Variants in PCDHGB5 observed in about 807,000 individuals in gnomAD.
PCDHGB5 encodes protocadherin gamma subfamily B, 5.
A neutral mutation model predicts 62.9 loss-of-function variants in PCDHGB5; 48 were observed. The observed-to-expected ratio is 0.76, with a 90% confidence interval of 0.61 to 0.97. PCDHGB5 has a LOEUF of 0.97. Ranked by LOEUF, PCDHGB5 falls within the 50% of genes least tolerant of loss-of-function variation. PCDHGB5 has a pLI of 0.00. For synonymous variants in PCDHGB5, 474 were observed against 511.2 expected, an observed-to-expected ratio of 0.93 and a Z score of 0.98; for missense variants, 1,118 against 1,198.6, an observed-to-expected ratio of 0.93 and a Z score of 0.99.
intron 3 of PCDHGB5, chr5:141,507,291 T>A (rs956764262): frequency 3.4e-5 from 5 of 147,704 alleles, no homozygotes; most frequent in African/African-American, 5.1e-5. Flanking sequence ...CAGTCTCAAA[T>A]GTTGCATGAG....
At position 141,399,730 on chromosome 5, in the gene PCDHGB5, T is replaced by G; in HGVS notation, c.1603T>G (p.Ser535Ala). ...ELTLQARDQGSPALSANVSLR... is the reference protein window; with the variant it reads ...ELTLQARDQGAPALSANVSLR... ...CACACTACAGGCCCGCGACCAGGGC[T>G]CGCCTGCGCTCAGCGCAAACGTGAG... Residue 535 changes from serine to alanine, a missense_variant, in exon 1 of 4, where the codon TCG becomes GCG. Transcript: ENST00000617380. The G allele has an allele frequency of 2.5e-6, 4 of 1,613,266 alleles. No homozygotes were observed. Among genetic ancestry groups the G allele is most frequent in the Non-Finnish European group, 8.5e-7 (1 of 1,179,866 alleles).
At chr5:141,444,599 A>G (rs373366708) in intron 1 of PCDHGB5, among the ~76,000 whole-genome samples, 2 of 152,108 alleles carry the variant, frequency 1.3e-5, no homozygotes, top group African/African-American at 2.4e-5. Flanking sequence ...CCTTATTTAA[A>G]ATTGATTTTT....
intron 1 of PCDHGB5, chr5:141,419,312 G>A (rs35892780): frequency 1.2e-6 from 2 of 1,613,962 alleles, no homozygotes; most frequent in South Asian, 2.2e-5. Context: ...CGGGCTCAAC[G>A]GCCGTGTCTC....
intron 1 of PCDHGB5, chr5:141,417,591 C>T (rs1287721863): frequency 2.1e-6 from 1 of 484,478 alleles, no homozygotes; most frequent in East Asian, 3.4e-5. Context: ...CACAGAGCCT[C>T]TGGGCGCCGC....
Position 141,485,274 on chromosome 5 carries a change from C to G in PCDHGB5, c.2398-9533C>G. 2 of 1,614,106 alleles carry G rather than the reference C, an allele frequency of 1.2e-6. No homozygotes were observed. Among genetic ancestry groups the G allele is most frequent in the Non-Finnish European group, 1.7e-6 (2 of 1,179,964 alleles). On this transcript the variant is annotated intron_variant, in intron 1 of 3. Transcript: ENST00000617380. The surrounding 1 kb of genome is among the most constrained non-coding windows in gnomAD (Gnocchi z 5.7). ...TACGTTTGTGGGCAGATCCGCTACC[C>G]GGTCCCAGAGGAGTCACAGGAAGGG...
At chr5:141,405,140 G>A in intron 1 of PCDHGB5, 1 of 1,614,072 alleles carries the variant, frequency 6.2e-7, no homozygotes, top group Non-Finnish European at 8.5e-7. Flanking sequence ...GGCTACCAGT[G>A]ATGGGTTGGC....
At chr5:141,402,087 A>G (rs1388054772) in intron 1 of PCDHGB5, among the ~76,000 whole-genome samples, 1 of 152,224 alleles carries the variant, frequency 6.6e-6, no homozygotes, top group Non-Finnish European at 1.5e-5. Context: ...GAAATAGCAG[A>G]AAAGTTTAAG....
chr5:141,478,109 T>C, intron 1 of PCDHGB5: 1 of 1,614,086 alleles, frequency 6.2e-7, no homozygotes, highest in Non-Finnish European at 8.5e-7. Context: ...CCTCACTGTG[T>C]CAGTAACCGA....
In PCDHGB5 at chr5:141,400,129, C is replaced by T. The variant is rs530393607; in HGVS notation, c.2002C>T (p.Leu668=). 1 of 1,614,104 alleles carries T rather than the reference C, an allele frequency of 6.2e-7. No individual in the cohort carries two copies. Among genetic ancestry groups the T allele is most frequent in the Admixed American group, 1.7e-5 (1 of 60,038 alleles). ...CTTTGCTGACAGCTTGCAGGAGGTGCTGCCGGATATCACTGACCGCCCTGT... is the reference window on the plus strand; with the variant it reads ...CTTTGCTGACAGCTTGCAGGAGGTGTTGCCGGATATCACTGACCGCCCTGT... ...LVFADSLQEV[L]PDITDRPVPS... is the part of the protein sequence containing the mutation. Residue 668 remains leucine, a synonymous_variant, in exon 1 of 4, where the codon CTG becomes TTG. Coordinates refer to ENST00000617380, the MANE Select transcript of PCDHGB5 (RefSeq NM_018925.3).
At chr5:141,505,123 C>T (rs1320836386) in intron 2 of PCDHGB5, among the ~76,000 whole-genome samples, 1 of 152,192 alleles carries the variant, frequency 6.6e-6, no homozygotes, top group African/African-American at 2.4e-5. Flanking sequence ...GATCGCGCCA[C>T]TGCACTCCAG....
intron 1 of PCDHGB5, chr5:141,407,995 C>A: frequency 1.2e-6 from 1 of 869,524 alleles, no homozygotes. Flanking sequence ...AGCCTCTGGC[C>A]TGGGATTCCC....
intron 2 of PCDHGB5, among the ~76,000 whole-genome samples, chr5:141,501,290 T>TAC (rs55762287): frequency 0.12 from 16,682 of 135,960 alleles, 995 homozygotes; most frequent in African/African-American, 0.18. Flanking sequence ...TATTCCCTTA[T>TAC]ACACACACAC....
In PCDHGB5 at chr5:141,448,944, C is replaced by CAAAA. The variant is rs560691811; in HGVS notation, c.2398-45859_2398-45856dup. Among the ~76,000 whole-genome samples, 218 of 152,004 alleles carry CAAAA rather than the reference C, an allele frequency of 1.4e-3. 1 individual carries two copies. The highest frequency in any genetic ancestry group is 5.1e-3 in the African/African-American group (213 of 41,464). On this transcript the variant is annotated intron_variant, in intron 1 of 3. Coordinates refer to ENST00000617380, the MANE Select transcript of PCDHGB5 (RefSeq NM_018925.3). ...TGGGCGACAGAGCAAGACTGCAACTCAAAAAAACAAACAAACAAACAAAAA... is the reference window on the plus strand; with the variant it reads ...TGGGCGACAGAGCAAGACTGCAACTCAAAAAAAAAAACAAACAAACAAACAAAAA...
At chr5:141,422,281 T>C in intron 1 of PCDHGB5, 1 of 1,557,044 alleles carries the variant, frequency 6.4e-7, no homozygotes, top group Middle Eastern at 1.7e-4. Context: ...AACTATCACC[T>C]CTTCTATTAA....
chr5:141,415,409 TG>T (rs763291157), intron 1 of PCDHGB5: 1 of 1,614,208 alleles, frequency 6.2e-7, no homozygotes, highest in Non-Finnish European at 8.5e-7. Context: ...TCGCACTTTG[TG>T]GGCGTGGACG....
Position 141,399,546 on chromosome 5 carries a change from G to T in PCDHGB5, c.1419G>T (p.Ser473=). Residue 473 remains serine, a synonymous_variant, in exon 1 of 4, where the codon TCG becomes TCT. Transcript: ENST00000617380. ...CCTCCATCGCGCAAGTCTGCGCCTC[G>T]GACCTGGACTTGGGGTTGAACGGCC... ...PGASIAQVCA[S]DLDLGLNGQV... is the part of the protein sequence containing the mutation. 1 of 1,614,032 alleles carries T rather than the reference G, an allele frequency of 6.2e-7. No individual in the cohort carries two copies.
At position 141,500,878 on chromosome 5, in the gene PCDHGB5, T is replaced by A. The variant is rs545375199; in HGVS notation, c.2457-4515T>A. On this transcript the variant is annotated intron_variant, in intron 2 of 3. Transcript: ENST00000617380. The stretch of plus-strand genomic sequence containing the variant: ...AGAAAACATACACATTCATTTACAA[T>A]TTTTTTTTTTTGAGACAGTCTCGCT... Among the ~76,000 whole-genome samples, 20 of 92,410 alleles carry A rather than the reference T, an allele frequency of 2.2e-4. 1 individual carries two copies. The East Asian group carries it at 4.8e-3, about 22-fold the overall frequency. The allele number at this position is 92,410 out of a possible 152,430, so 60.6% of individuals were successfully genotyped here.
At chr5:141,414,081 T>C (rs748527220) in intron 1 of PCDHGB5, 1 of 1,601,774 alleles carries the variant, frequency 6.2e-7, no homozygotes, top group South Asian at 1.1e-5. Flanking sequence ...ACAAATATAC[T>C]GGAGAAATAA....
intron 3 of PCDHGB5, among the ~76,000 whole-genome samples, chr5:141,507,625 G>C (rs2099862215): frequency 6.6e-6 from 1 of 152,256 alleles, no homozygotes; most frequent in Non-Finnish European, 1.5e-5. Context: ...AGCTGTTGTG[G>C]CCTTGCGCCC....
Sources: allele counts gnomAD v4.1 joint callset (sites outside exome capture counted in the v4.1 genomes callset), GRCh38; gene constraint gnomAD v4.1.1; non-coding constraint Gnocchi (gnomAD v3.1); transcripts MANE v1.5; gene names NCBI Gene and HGNC (gene_info 2026-07-23, HGNC 2026-07-21).